INPP5B: variants seen among roughly 807,000 people sequenced by gnomAD.
INPP5B encodes the protein type II inositol 1,4,5-trisphosphate 5-phosphatase.
INPP5B carries 90 observed loss-of-function variants against 118.5 expected under a neutral mutation model. The observed-to-expected ratio is 0.76, with a 90% CI of 0.64 to 0.90. The LOEUF is 0.90. Ranked by LOEUF, INPP5B falls within the 40% of genes least tolerant of loss-of-function variation. The probability of loss-of-function intolerance (pLI) is 0.00; values close to 1 mark genes in which losing one functional copy is unlikely to be tolerated. For synonymous variants in INPP5B, 385 were observed against 418.9 expected (o/e 0.92, Z 0.99); for missense variants, 984 against 1,125.6 (o/e 0.87, Z 1.80).
At chr1:37,931,442 C>G (rs1350615944) in intron 7 of INPP5B, 3 of 1,526,360 alleles carry the variant, frequency 2.0e-6, no homozygotes, top group Non-Finnish European at 2.6e-6. Flanking sequence ...AAAACCCCAG[C>G]CTCCGGATTC....
chr1:37,863,882 T>A (rs967588778), intron 23 of INPP5B, among the ~76,000 whole-genome samples: 2 of 150,492 alleles, frequency 1.3e-5, no homozygotes, highest in Non-Finnish European at 3.0e-5. Context: ...TGGTGCGGTC[T>A]CGGGTCACTG....
At chr1:37,940,430 C>A (rs1438433074) in intron 6 of INPP5B, among the ~76,000 whole-genome samples, 1 of 152,194 alleles carries the variant, frequency 6.6e-6, no homozygotes, top group Admixed American at 6.5e-5. Flanking sequence ...CAGTCACAAC[C>A]TATCCTGTGC....
chr1:37,887,080 G>A (rs1643583828), intron 11 of INPP5B, 76 bp from the exon 12 acceptor site: 4 of 1,247,696 alleles, frequency 3.2e-6, no homozygotes, highest in Non-Finnish European at 4.7e-6. Context: ...TAGTCTGGAA[G>A]CTGGCTGAGA....
intron 7 of INPP5B, among the ~76,000 whole-genome samples, chr1:37,904,473 A>AG (rs1644437838): frequency 2.6e-5 from 4 of 152,352 alleles, no homozygotes; most frequent in African/African-American, 9.6e-5. Context: ...GTGTGTGAAC[A>AG]TACTGGCTAA....
chr1:37,931,548 A>T (rs1200542265), intron 7 of INPP5B: 2 of 1,536,828 alleles, frequency 1.3e-6, no homozygotes, highest in African/African-American at 1.4e-5. Context: ...CCAGAGGGCC[A>T]CCAGGACTTT....
chr1:37,902,534 A>C (rs1301853432), intron 7 of INPP5B, among the ~76,000 whole-genome samples: 1 of 152,120 alleles, frequency 6.6e-6, no homozygotes, highest in Non-Finnish European at 1.5e-5. Flanking sequence ...ATCCAAGACA[A>C]CATGGTAAAA....
intron 13 of INPP5B, 85 bp downstream of exon 13, chr1:37,885,553 C>T: frequency 1.7e-6 from 2 of 1,201,426 alleles, no homozygotes; most frequent in South Asian, 2.8e-5. Flanking sequence ...TAGGAAACCA[C>T]CACCAGGCAT....
chr1:37,945,306 C>T (rs573088594), intron 3 of INPP5B, among the ~76,000 whole-genome samples: 1 of 152,164 alleles, frequency 6.6e-6, no homozygotes, highest in South Asian at 2.1e-4. Context: ...TGGCGGGCAC[C>T]TCTGTAATAC....
intron 15 of INPP5B, among the ~76,000 whole-genome samples, chr1:37,879,543 G>A (rs576286317): frequency 9.2e-5 from 14 of 152,032 alleles, no homozygotes; most frequent in African/African-American, 3.1e-4. Flanking sequence ...TGAGGCAGGC[G>A]GATCACTTGA....
chr1:37,914,567 C>G (rs1051675436), intron 7 of INPP5B, among the ~76,000 whole-genome samples: 2 of 152,196 alleles, frequency 1.3e-5, no homozygotes, highest in Non-Finnish European at 1.5e-5. Context: ...ATTCACTCCA[C>G]CCCTGATCCT....
intron 18 of INPP5B, 168 bp from the exon 19 acceptor site, chr1:37,873,333 CA>C (rs1381845199): frequency 3.3e-6 from 2 of 598,978 alleles, no homozygotes. Context: ...GACACAAGAA[CA>C]AAGAGTTTAT....
At chr1:37,928,324 C>A (rs1056485266) in intron 7 of INPP5B, among the ~76,000 whole-genome samples, 1 of 152,074 alleles carries the variant, frequency 6.6e-6, no homozygotes, top group African/African-American at 2.4e-5. Flanking sequence ...CAGGTGCCTG[C>A]CACCATGCTC....
chr1:37,927,735 C>T (rs1360396462), intron 7 of INPP5B, among the ~76,000 whole-genome samples: 1 of 151,862 alleles, frequency 6.6e-6, no homozygotes, highest in Non-Finnish European at 1.5e-5. Context: ...GACGGGGTTT[C>T]ACCATGTTAG....
At chr1:37,920,849 G>A (rs1405790216) in intron 7 of INPP5B, among the ~76,000 whole-genome samples, 1 of 151,398 alleles carries the variant, frequency 6.6e-6, no homozygotes, top group Non-Finnish European at 1.5e-5. Context: ...GCTCACACCT[G>A]TAATCCCAGA....
In INPP5B at chr1:37,904,744, G is replaced by A. The variant is rs187370585; in HGVS notation, c.533-13290C>T. Among the ~76,000 whole-genome samples the A allele has an allele frequency of 3.4e-3, 510 of 151,882 alleles. 1 individual carries two copies. The highest frequency in any genetic ancestry group is 7.6e-3 in the East Asian group (39 of 5,114). On this transcript the variant is annotated intron_variant, in intron 7 of 23. Coordinates refer to ENST00000373024, the MANE Select transcript of INPP5B (RefSeq NM_005540.3). ...AATACAAAATTAGCCAGGTGTGGTGGTGCATGCCTGTAATCCCAGCTACTC... is the reference window on the plus strand; with the variant it reads ...AATACAAAATTAGCCAGGTGTGGTGATGCATGCCTGTAATCCCAGCTACTC...
At position 37,882,937 on chromosome 1, in the gene INPP5B, A is replaced by G. The variant is rs2148496947; in HGVS notation, c.1320-19T>C. On this transcript the variant is annotated intron_variant, in intron 13 of 23. Coordinates refer to ENST00000373024, the MANE Select transcript of INPP5B (RefSeq NM_005540.3). ...GATCACACTGTGAGGACAGAGCACA[A>G]AGGTAACAGGGTTTAGGAGGAACTT... The G allele has an allele frequency of 3.1e-6, 5 of 1,614,044 alleles. No individual in the cohort carries two copies. Among genetic ancestry groups the G allele is most frequent in the East Asian group, 2.2e-5 (1 of 44,878 alleles).
chr1:37,922,615 G>A (rs962206947), intron 7 of INPP5B, among the ~76,000 whole-genome samples: 1 of 152,142 alleles, frequency 6.6e-6, no homozygotes, highest in South Asian at 2.1e-4. Flanking sequence ...AGAATGGCAT[G>A]AACCCAGGAG....
At chr1:37,882,768 G>C (rs768953192) in intron 14 of INPP5B, 39 bp downstream of exon 14, 2 of 1,503,528 alleles carry the variant, frequency 1.3e-6, no homozygotes, top group South Asian at 2.3e-5. Flanking sequence ...TCATGGTGGA[G>C]GACAGCTGCT....
At chr1:37,891,260 G>A in intron 8 of INPP5B, 98 bp downstream of exon 8, 1 of 751,010 alleles carries the variant, frequency 1.3e-6, no homozygotes, top group Non-Finnish European at 2.2e-6. Flanking sequence ...TCCTAGGCCA[G>A]CTACCCTGGG....
Sources: allele counts gnomAD v4.1 joint callset (sites outside exome capture counted in the v4.1 genomes callset), GRCh38; gene constraint gnomAD v4.1.1; transcripts MANE v1.5; gene names NCBI Gene and HGNC (gene_info 2026-07-23, HGNC 2026-07-21).